The following WDR41 variants were observed in gnomAD, a reference collection of about 807,000 sequenced individuals.
WDR41 encodes the protein WD repeat domain 41.
A neutral mutation model predicts 69.3 loss-of-function variants in WDR41; 63 were observed. The observed-to-expected ratio is 0.91, with a 90% CI of 0.74 to 1.12. The LOEUF is 1.12. Among genes scored for constraint, WDR41 ranks in the 50% most tolerant of loss-of-function variants. The pLI, the probability that WDR41 is intolerant of heterozygous loss-of-function variation, is 0.00. For synonymous variants in WDR41, 185 were observed against 192.1 expected, an observed-to-expected ratio of 0.96 and a Z score of 0.31; for missense variants, 543 against 534.5, an observed-to-expected ratio of 1.02 and a Z score of -0.16.
intron 2 of WDR41, among the ~76,000 whole-genome samples, chr5:77,486,882 A>G (rs1801549362): frequency 1.0e-5 from 1 of 98,220 alleles, no homozygotes; most frequent in South Asian, 3.3e-4. Context: ...TTGGTGTGAC[A>G]GCTGACAGAG....
intron 1 of WDR41, among the ~76,000 whole-genome samples, chr5:77,550,511 T>A (rs1236795058): frequency 6.6e-6 from 1 of 151,970 alleles, no homozygotes; most frequent in Admixed American, 6.5e-5. Context: ...AACAGAGAAA[T>A]GCAAATCAAA....
intron 1 of WDR41, among the ~76,000 whole-genome samples, chr5:77,516,789 C>T (rs1292054680): frequency 1.7e-4 from 26 of 152,016 alleles, no homozygotes; most frequent in Non-Finnish European, 1.0e-4. Context: ...GAGGCCGAGG[C>T]GGGTGGATCA....
chr5:77,610,021 A>T (rs1364250893), intron 1 of WDR41, among the ~76,000 whole-genome samples: 1 of 148,352 alleles, frequency 6.7e-6, no homozygotes, highest in Non-Finnish European at 1.5e-5. Context: ...CAGAAGCCTC[A>T]GGAGCCGATG....
At chr5:77,435,367 G>A (rs1798897388) in intron 12 of WDR41, among the ~76,000 whole-genome samples, 1 of 152,164 alleles carries the variant, frequency 6.6e-6, no homozygotes, top group Non-Finnish European at 1.5e-5. Context: ...ATCAAATGCA[G>A]CCTAGGGTAA....
At position 77,545,946 on chromosome 5, in the gene WDR41, C is replaced by T. The variant is rs75668022; in HGVS notation, c.43-56374G>A. 5.5e-5 allele frequency: 27 copies of T among 490,564 alleles called. 1 individual carries two copies. Among genetic ancestry groups the T allele is most frequent in the East Asian group, 4.2e-4 (12 of 28,728 alleles). The allele number at this position is 490,564 out of a possible 1,614,324, so 30.4% of individuals were successfully genotyped here. On this transcript the variant is annotated intron_variant, in intron 1 of 5. Transcript: ENST00000509971. ...TGCCATCCCTTGCAAGGTGACAGGCCGCTGTGGCTCCGTGCTGGTGACCTC... is the reference window on the plus strand; with the variant it reads ...TGCCATCCCTTGCAAGGTGACAGGCTGCTGTGGCTCCGTGCTGGTGACCTC...
intron 1 of WDR41, among the ~76,000 whole-genome samples, chr5:77,567,879 C>T (rs769326613): frequency 2.6e-5 from 4 of 151,726 alleles, no homozygotes; most frequent in African/African-American, 4.8e-5. Context: ...CCTCATCCCA[C>T]CATAGTGATT....
upstream of WDR41, among the ~76,000 whole-genome samples, chr5:77,495,305 T>A (rs1032678609): frequency 1.3e-5 from 2 of 151,046 alleles, no homozygotes; most frequent in Non-Finnish European, 3.0e-5. Flanking sequence ...AAATAGAGAA[T>A]AGAAAAAATA....
At chr5:77,512,333 A>T (rs1581780235) in intron 1 of WDR41, among the ~76,000 whole-genome samples, 1 of 114,652 alleles carries the variant, frequency 8.7e-6, no homozygotes, top group Non-Finnish European at 1.7e-5. Flanking sequence ...GGGGTGAGTG[A>T]GAGAGAGAGA....
intron 1 of WDR41, among the ~76,000 whole-genome samples, chr5:77,614,562 C>T (rs975268752): frequency 1.0e-4 from 15 of 146,942 alleles, no homozygotes; most frequent in Non-Finnish European, 1.6e-4. Context: ...AACCAAACAC[C>T]GCATGTTCTC....
intron 5 of WDR41, among the ~76,000 whole-genome samples, chr5:77,456,791 T>A (rs1799852577): frequency 6.6e-6 from 1 of 152,222 alleles, no homozygotes; most frequent in South Asian, 2.1e-4. Flanking sequence ...AGCCTCGAAC[T>A]CCTGGACTCA....
chr5:77,576,016 T>C (rs1271716029), intron 1 of WDR41, among the ~76,000 whole-genome samples: 2 of 152,218 alleles, frequency 1.3e-5, no homozygotes. Flanking sequence ...ACCTTCTGGA[T>C]GGAGTCTTTC....
At chr5:77,467,619 C>T (rs1012929519) in intron 2 of WDR41, among the ~76,000 whole-genome samples, 7 of 151,936 alleles carry the variant, frequency 4.6e-5, no homozygotes, top group African/African-American at 1.4e-4. Context: ...ATTTATTGAT[C>T]TTTATCTTTA....
intron 1 of WDR41, chr5:77,582,474 G>A (rs948024186): frequency 4.6e-5 from 74 of 1,601,892 alleles, no homozygotes; most frequent in Non-Finnish European, 5.9e-5. Context: ...TCAAGCGCCT[G>A]AGAAAGAAGT....
rs1318411692 is a variant in WDR41, at chr5:77,565,489, A to T, written c.42+54990T>A. On this transcript the variant is annotated intron_variant, in intron 1 of 5. Coordinates refer to the WDR41 transcript ENST00000509971. ...AGCTGGGAGCCCCCTGAATCATTCC[A>T]ACTTGAGGTCATGAGGCCCTGGACT... Among the ~76,000 whole-genome samples the T allele has an allele frequency of 3.9e-5, 6 of 152,210 alleles. No individual in the cohort carries two copies. In the East Asian group the frequency reaches 1.2e-3, roughly 29 times the overall value.
intron 8 of WDR41, among the ~76,000 whole-genome samples, chr5:77,446,265 G>A (rs558483665): frequency 1.3e-5 from 2 of 152,148 alleles, no homozygotes; most frequent in East Asian, 3.9e-4. Flanking sequence ...ACTGCTCAAG[G>A]AAATGGGAGG....
intron 8 of WDR41, among the ~76,000 whole-genome samples, chr5:77,442,894 C>CAAAAAAAAAAAAA (rs60442242): frequency 0.085 from 4,648 of 54,874 alleles, 553 homozygotes; most frequent in African/African-American, 0.12. Context: ...TCTGTCTCCC[C>CAAAAAAAAAAAAA]AAAAAAAAAA....
At chr5:77,583,543 T>A (rs532453096) in intron 1 of WDR41, among the ~76,000 whole-genome samples, 1 of 151,698 alleles carries the variant, frequency 6.6e-6, no homozygotes, top group Admixed American at 6.6e-5. Flanking sequence ...TACCCACGTA[T>A]ACGTTTCATG....
intron 2 of WDR41, among the ~76,000 whole-genome samples, chr5:77,483,245 C>T (rs1302494556): frequency 6.6e-6 from 1 of 152,218 alleles, no homozygotes; most frequent in Non-Finnish European, 1.5e-5. Flanking sequence ...TAAGGTGATC[C>T]TCCCACCTCA....
intron 1 of WDR41, chr5:77,491,966 G>A: frequency 3.4e-6 from 2 of 592,250 alleles, no homozygotes; most frequent in Non-Finnish European, 2.8e-6. Flanking sequence ...TCCAGGGTGC[G>A]CCTGGGGTCC....
Sources: gnomAD v4.1 joint callset for allele counts (sites outside exome capture counted in the v4.1 genomes callset) on GRCh38, gnomAD v4.1.1 for gene constraint, MANE v1.5 for transcripts, NCBI Gene and HGNC (gene_info 2026-07-23, HGNC 2026-07-21) for gene names.